Variants in CSMD1 observed in about 807,000 individuals in gnomAD.
CSMD1 encodes the protein CUB and Sushi multiple domains 1, also known as CUB and sushi domain-containing protein 1.
In CSMD1, 213 loss-of-function variants were observed where a neutral mutation model predicts 417.5. That is an observed-to-expected ratio of 0.51 (90% CI 0.46 to 0.57). The LOEUF (loss-of-function observed/expected upper bound fraction) is 0.57. Among genes scored for constraint, CSMD1 ranks in the 20% least tolerant of loss-of-function variants. The probability of loss-of-function intolerance (pLI) is 0.00; values close to 1 mark genes in which losing one functional copy is unlikely to be tolerated. For missense variants in CSMD1, 6,923 were observed against 4,529.7 expected (o/e 1.53, Z -15.17); for synonymous variants, 2,862 against 1,736.8 (o/e 1.65, Z -16.11).
chr8:3,473,013 T>TCTC (rs772841366), intron 11 of CSMD1, among the ~76,000 whole-genome samples: 40 of 152,164 alleles, frequency 2.6e-4, no homozygotes, highest in Non-Finnish European at 3.7e-4. Context: ...CCTAACTCTG[T>TCTC]CTCCTGGTTC....
intron 5 of CSMD1, among the ~76,000 whole-genome samples, chr8:3,858,087 C>G (rs187771567): frequency 1.3e-5 from 2 of 152,286 alleles, no homozygotes; most frequent in East Asian, 3.9e-4. Context: ...TTGTGACTGT[C>G]CAATTGAATT....
At chr8:4,330,463 G>C (rs979761776) in intron 3 of CSMD1, among the ~76,000 whole-genome samples, 3 of 151,956 alleles carry the variant, frequency 2.0e-5, no homozygotes, top group Non-Finnish European at 4.4e-5. Context: ...GTTGGCAGGT[G>C]CCTGTAAACC....
chr8:4,242,056 G>C (rs1006477815), intron 3 of CSMD1, among the ~76,000 whole-genome samples: 1 of 152,076 alleles, frequency 6.6e-6, no homozygotes, highest in African/African-American at 2.4e-5. Context: ...AAATGAAAAA[G>C]GGTAAATTAA....
intron 54 of CSMD1, among the ~76,000 whole-genome samples, chr8:2,987,971 T>G (rs984712360): frequency 7.3e-6 from 1 of 136,772 alleles, no homozygotes; most frequent in Non-Finnish European, 1.6e-5. Flanking sequence ...GGGGGTTGGC[T>G]GCACCTGTGA....
At chr8:4,238,489 C>T (rs17334464) in intron 3 of CSMD1, among the ~76,000 whole-genome samples, 54,048 of 152,052 alleles carry the variant, frequency 0.36, 11,830 homozygotes, top group Non-Finnish European at 0.5. Flanking sequence ...TAAGGAGGCA[C>T]ATTAAGAGGT....
At chr8:4,636,271 G>T (rs572386414) in intron 2 of CSMD1, among the ~76,000 whole-genome samples, 2 of 152,130 alleles carry the variant, frequency 1.3e-5, no homozygotes, top group Admixed American at 6.5e-5. Context: ...ACAAAAAGTA[G>T]ATACAGACGT....
Position 3,266,934 on chromosome 8 carries a change from C to T in CSMD1, c.4153+17210G>A, listed in dbSNP as rs374029438. Among the ~76,000 whole-genome samples the T allele has an allele frequency of 1.2e-3, 176 of 152,280 alleles. 1 individual carries two copies. Among genetic ancestry groups the T allele is most frequent in the African/African-American group, 4.1e-3 (169 of 41,542 alleles). On this transcript the variant is annotated intron_variant, in intron 26 of 69. Coordinates refer to ENST00000635120, the MANE Select transcript of CSMD1 (RefSeq NM_033225.6). ...TAACTTAGAGGTCAAGAAATGCAGA[C>T]AGCCAACATAGACTAAGGTATAAAA... is the stretch of plus-strand genomic sequence containing the variant.
intron 5 of CSMD1, among the ~76,000 whole-genome samples, chr8:3,772,817 A>C (rs562952577): frequency 6.6e-6 from 1 of 152,060 alleles, no homozygotes; most frequent in African/African-American, 2.4e-5. Context: ...TCTGTGTTTA[A>C]GCCATCTTAC....
intron 26 of CSMD1, among the ~76,000 whole-genome samples, chr8:3,238,864 G>T (rs1257637773): frequency 6.6e-6 from 1 of 152,138 alleles, no homozygotes; most frequent in Non-Finnish European, 1.5e-5. Flanking sequence ...AGCTGTAATG[G>T]CTTGGAGAAA....
In CSMD1 at chr8:4,095,697, A is replaced by G. The variant is rs146709058; in HGVS notation, c.416-63598T>C. On this transcript the variant is annotated intron_variant, in intron 3 of 69. Coordinates refer to ENST00000635120, the MANE Select transcript of CSMD1 (RefSeq NM_033225.6). ...GTAAAATTAAAAGGTTATAGAAGCT[A>G]TGATGAGGTGCATCCGTACTTCAAT... 3.2e-3 allele frequency among the ~76,000 whole-genome samples: 491 copies of G among 152,362 alleles called. 5 individuals are homozygous for G. The highest frequency in any genetic ancestry group is 0.011 in the African/African-American group (463 of 41,592).
chr8:4,896,620 T>C (rs1372650598), intron 1 of CSMD1, among the ~76,000 whole-genome samples: 1 of 152,104 alleles, frequency 6.6e-6, no homozygotes, highest in Non-Finnish European at 1.5e-5. Context: ...TGAGTCCCAG[T>C]GGAAAAACAG....
At chr8:3,852,163 C>T (rs1005851223) in intron 5 of CSMD1, among the ~76,000 whole-genome samples, 1 of 152,078 alleles carries the variant, frequency 6.6e-6, no homozygotes, top group Non-Finnish European at 1.5e-5. Context: ...CTTGATTCTA[C>T]AAGAATCTAG....
rs75250686 is a variant in CSMD1, at chr8:3,669,951, G to C, written c.1009+38463C>G. On this transcript the variant is annotated intron_variant, in intron 7 of 69. Coordinates refer to ENST00000635120, the MANE Select transcript of CSMD1 (RefSeq NM_033225.6). ...TTGAGACTTTAAATAACACACCCAA[G>C]GATATAATTTATACCTTATTATTTT... Among the ~76,000 whole-genome samples the C allele has an allele frequency of 3.9e-5, 6 of 152,204 alleles. No individual in the cohort carries two copies. In the East Asian group the frequency reaches 9.7e-4, roughly 25 times the overall value.
chr8:3,765,947 T>C (rs898447445), intron 5 of CSMD1, among the ~76,000 whole-genome samples: 6 of 152,306 alleles, frequency 3.9e-5, no homozygotes, highest in African/African-American at 1.4e-4. Context: ...ATGGCCTGGA[T>C]GCCAGCAAAT....
intron 2 of CSMD1, among the ~76,000 whole-genome samples, chr8:4,549,896 C>CAAAAAAAAAAAAAAAAAAA (rs777040766): frequency 2.3e-5 from 2 of 88,654 alleles, no homozygotes; most frequent in African/African-American, 4.6e-5. Context: ...GACTTTGTCT[C>CAAAAAAAAAAAAAAAAAAA]AAAAAAAAAA....
At chr8:3,914,285 G>A (rs1325070512) in intron 5 of CSMD1, among the ~76,000 whole-genome samples, 1 of 152,042 alleles carries the variant, frequency 6.6e-6, no homozygotes, top group Non-Finnish European at 1.5e-5. Flanking sequence ...GAGAGAAAGG[G>A]TCACAGGTAG....
intron 1 of CSMD1, among the ~76,000 whole-genome samples, chr8:4,813,135 G>T (rs1288818015): frequency 6.6e-6 from 1 of 152,048 alleles, no homozygotes; most frequent in Non-Finnish European, 1.5e-5. Context: ...TTAAGCTCTC[G>T]CTAAATCCCT....
chr8:3,653,164 T>G (rs1222287865), intron 7 of CSMD1, among the ~76,000 whole-genome samples: 2 of 151,856 alleles, frequency 1.3e-5, no homozygotes, highest in African/African-American at 4.8e-5. Context: ...TTGCATATAT[T>G]TTTAAATATA....
At chr8:4,036,693 T>C (rs933788553) in intron 3 of CSMD1, among the ~76,000 whole-genome samples, 1 of 152,242 alleles carries the variant, frequency 6.6e-6, no homozygotes, top group African/African-American at 2.4e-5. Context: ...GCATTTCTCA[T>C]TGTATCTGAC....
Sources: gnomAD v4.1 joint callset for allele counts (sites outside exome capture counted in the v4.1 genomes callset) on GRCh38, gnomAD v4.1.1 for gene constraint, MANE v1.5 for transcripts, NCBI Gene and HGNC (gene_info 2026-07-23, HGNC 2026-07-21) for gene names.